HPSE2: variants seen among roughly 807,000 people sequenced by gnomAD.
The protein encoded by HPSE2 is inactive heparanase-2.
HPSE2 carries 38 observed loss-of-function variants against 60.5 expected under a neutral mutation model. The observed-to-expected ratio is 0.63, with a 90% CI of 0.48 to 0.82. The LOEUF is 0.82. HPSE2 is among the 40% of genes least tolerant of loss of function. HPSE2 has a pLI of 0.00. For missense variants in HPSE2, 713 were observed against 740.4 expected (o/e 0.96, Z 0.43); for synonymous variants, 295 against 293.2 (o/e 1.01, Z -0.06).
chr10:98,909,906 A>G (rs567437335), intron 3 of HPSE2, among the ~76,000 whole-genome samples: 52 of 152,318 alleles, frequency 3.4e-4, no homozygotes, highest in African/African-American at 1.2e-3. Flanking sequence ...CTCTGATGAC[A>G]CAAAAACCAA....
chr10:99,287,159 G>A, the HPSE2 span, among the ~76,000 whole-genome samples: 6 of 151,988 alleles, frequency 3.9e-5, no homozygotes, highest in African/African-American at 9.7e-5. Context: ...AATATCAAAC[G>A]TGTTGGTTCA....
chr10:99,035,877 C>G (rs1957598227), intron 3 of HPSE2, among the ~76,000 whole-genome samples: 1 of 152,188 alleles, frequency 6.6e-6, no homozygotes, highest in African/African-American at 2.4e-5. Flanking sequence ...GACACTCCAG[C>G]AGCAATAAGC....
In HPSE2 at chr10:99,232,472, A is replaced by T; in HGVS notation, c.324T>A (p.Leu108=). ...CCCCGAAGCGCAGAAAGGCGGGCGA[A>T]AGTCCCCGGGCCAGGGTCACCAAGC... ...SKRLVTLARG[L]SPAFLRFGGK... The change falls in exon 2 of 12, where the codon CTT becomes CTA. Residue 108 remains leucine (L), a synonymous_variant. Transcript: ENST00000370552. 6.4e-7 allele frequency: 1 copy of T among 1,556,844 alleles called. No homozygotes were observed. The highest frequency in any genetic ancestry group is 1.4e-5 in the African/African-American group (1 of 73,446).
At chr10:99,098,831 A>G (rs189339793) in intron 3 of HPSE2, among the ~76,000 whole-genome samples, 1 of 152,328 alleles carries the variant, frequency 6.6e-6, no homozygotes, top group African/African-American at 2.4e-5. Flanking sequence ...ATACTTCACC[A>G]ACAATTTTTG....
chr10:98,532,498 C>T (rs1379858085), intron 9 of HPSE2, among the ~76,000 whole-genome samples: 1 of 152,122 alleles, frequency 6.6e-6, no homozygotes, highest in Non-Finnish European at 1.5e-5. Flanking sequence ...CAGGGGGTTA[C>T]TGAGAGGACT....
At chr10:99,172,229 T>C (rs1302048621) in intron 2 of HPSE2, among the ~76,000 whole-genome samples, 1 of 152,168 alleles carries the variant, frequency 6.6e-6, no homozygotes, top group Non-Finnish European at 1.5e-5. Context: ...GCTGCCATCT[T>C]GAAAACATCT....
intron 9 of HPSE2, among the ~76,000 whole-genome samples, chr10:98,560,857 C>G (rs886320618): frequency 2.6e-5 from 2 of 77,346 alleles, no homozygotes; most frequent in Non-Finnish European, 5.9e-5. Flanking sequence ...AACAAAACTA[C>G]TGCACAGCCA....
intron 3 of HPSE2, among the ~76,000 whole-genome samples, chr10:98,963,142 A>G (rs1955723613): frequency 1.3e-5 from 2 of 152,198 alleles, no homozygotes; most frequent in African/African-American, 4.8e-5. Flanking sequence ...TTTAAATATC[A>G]GTCAATAAAT....
chr10:99,012,363 T>C (rs1359446466), intron 3 of HPSE2, among the ~76,000 whole-genome samples: 2 of 152,122 alleles, frequency 1.3e-5, no homozygotes, highest in African/African-American at 4.8e-5. Flanking sequence ...TCTGTTGAAT[T>C]ATGTTTCCAT....
At chr10:98,635,962 T>C (rs116192267) in intron 7 of HPSE2, among the ~76,000 whole-genome samples, 2,665 of 152,160 alleles carry the variant, frequency 0.018, 88 homozygotes, top group African/African-American at 0.061. Context: ...CTTGTTCATA[T>C]GTGGAAGCTA....
At chr10:99,254,612 T>C in the HPSE2 span, among the ~76,000 whole-genome samples, 1 of 152,226 alleles carries the variant, frequency 6.6e-6, no homozygotes, top group Non-Finnish European at 1.5e-5. Flanking sequence ...TAATTTAATC[T>C]TGACTGAAAA....
chr10:98,554,287 A>G (rs2133859232), intron 9 of HPSE2, among the ~76,000 whole-genome samples: 1 of 152,192 alleles, frequency 6.6e-6, no homozygotes, highest in Admixed American at 6.5e-5. Flanking sequence ...TGTTCCTATT[A>G]TTTGCCTAAG....
At chr10:98,600,633 A>G (rs1264282223) in intron 9 of HPSE2, among the ~76,000 whole-genome samples, 1 of 151,888 alleles carries the variant, frequency 6.6e-6, no homozygotes, top group Non-Finnish European at 1.5e-5. Context: ...GATGAACTGC[A>G]ATGTAATATG....
intron 3 of HPSE2, among the ~76,000 whole-genome samples, chr10:99,020,348 G>A (rs1029234861): frequency 2.0e-5 from 3 of 152,068 alleles, no homozygotes; most frequent in Admixed American, 2.0e-4. Flanking sequence ...GTTGTTAACT[G>A]GAGATGAGTA....
the HPSE2 span, among the ~76,000 whole-genome samples, chr10:99,290,552 G>A: frequency 1.3e-5 from 2 of 152,234 alleles, no homozygotes; most frequent in East Asian, 1.9e-4. Flanking sequence ...TCAGTGGAGC[G>A]AAAAGCCTGA....
intron 3 of HPSE2, among the ~76,000 whole-genome samples, chr10:99,108,096 T>C (rs1844316845): frequency 6.6e-6 from 1 of 152,186 alleles, no homozygotes; most frequent in Non-Finnish European, 1.5e-5. Flanking sequence ...ATAGTGACAT[T>C]CCATGCCTCC....
rs149804764 is a variant in HPSE2, at chr10:98,713,153, G to T, written c.956+8504C>A. Among the ~76,000 whole-genome samples, 558 of 152,058 alleles carry T rather than the reference G, an allele frequency of 3.7e-3. 4 individuals are homozygous for T. Among genetic ancestry groups the T allele is most frequent in the African/African-American group, 0.013 (539 of 41,508 alleles). On this transcript the variant is annotated intron_variant, in intron 5 of 11. Coordinates refer to ENST00000370552, the MANE Select transcript of HPSE2 (RefSeq NM_021828.5). ...ACCAGGCCCATGAGGACTGAGTGAGGTAAGAAAAAGAGAATGTGGTAGAAG... is the reference window on the plus strand; with the variant it reads ...ACCAGGCCCATGAGGACTGAGTGAGTTAAGAAAAAGAGAATGTGGTAGAAG...
chr10:98,550,389 G>C (rs1943824852), intron 9 of HPSE2, among the ~76,000 whole-genome samples: 1 of 151,922 alleles, frequency 6.6e-6, no homozygotes, highest in Non-Finnish European at 1.5e-5. Flanking sequence ...AAACTCCTGA[G>C]TTCAACCAGT....
intron 4 of HPSE2, among the ~76,000 whole-genome samples, chr10:98,738,723 G>A (rs1316520744): frequency 3.9e-5 from 6 of 152,158 alleles, no homozygotes; most frequent in South Asian, 2.1e-4. Context: ...ATGAAAAAAC[G>A]CTCATCATCA....
Sources: allele counts gnomAD v4.1 joint callset (sites outside exome capture counted in the v4.1 genomes callset), GRCh38; gene constraint gnomAD v4.1.1; transcripts MANE v1.5; gene names NCBI Gene and HGNC (gene_info 2026-07-23, HGNC 2026-07-21).